The following XPO5 variants were observed in gnomAD, a reference collection of about 807,000 sequenced individuals.
XPO5 encodes the protein exportin-5.
A neutral mutation model predicts 160.6 loss-of-function variants in XPO5; 46 were observed. The observed-to-expected ratio is 0.29, with a 90% confidence interval of 0.23 to 0.37. The LOEUF is 0.37. XPO5 is among the 10% of genes least tolerant of loss of function. XPO5 has a pLI of 1.00. For missense variants in XPO5, 1,090 were observed against 1,463.9 expected (o/e 0.74, Z 4.17); for synonymous variants, 537 against 519.3 (o/e 1.03, Z -0.46).
chr6:43,533,657 C>T (rs113141682), intron 21 of XPO5: 36 of 288,094 alleles, frequency 1.2e-4, no homozygotes, highest in African/African-American at 7.8e-4. Context: ...GGCAACATAG[C>T]AAGACTCTGT....
At position 43,576,017 on chromosome 6, in the gene XPO5, G is replaced by T; in HGVS notation, c.-153C>A. On this transcript the variant is annotated 5_prime_UTR_variant, in exon 1 of 32. Coordinates refer to ENST00000265351, the MANE Select transcript of XPO5 (RefSeq NM_020750.3). The stretch of plus-strand genomic sequence containing the variant: ...GGAGCGTTAGCAGCAACTCGCGCTG[G>T]GAAGAAGCCGGCGCTGCGCACGCGC... 2 of 629,726 alleles carry T rather than the reference G, an allele frequency of 3.2e-6. No individual in the cohort carries two copies. Among genetic ancestry groups the T allele is most frequent in the Non-Finnish European group, 5.3e-6 (2 of 380,824 alleles). The allele number at this position is 629,726 out of a possible 1,614,324, so 39.0% of individuals were successfully genotyped here.
At chr6:43,525,511 A>C in intron 28 of XPO5, 1 of 497,012 alleles carries the variant, frequency 2.0e-6, no homozygotes, top group East Asian at 3.4e-5. Context: ...GTGTATTGCC[A>C]GTCAAAAAGA....
chr6:43,534,315 G>GT (rs1794180725), intron 20 of XPO5, among the ~76,000 whole-genome samples: 1 of 152,190 alleles, frequency 6.6e-6, no homozygotes. Flanking sequence ...GGTCCCAGGA[G>GT]TTTTTTGACC....
chr6:43,532,901 T>C (rs1415103274), intron 21 of XPO5, among the ~76,000 whole-genome samples: 4 of 152,186 alleles, frequency 2.6e-5, no homozygotes, highest in African/African-American at 7.2e-5. Context: ...TCCTGGCACT[T>C]TGGGAGGCCA....
intron 11 of XPO5, among the ~76,000 whole-genome samples, chr6:43,559,713 TATA>T (rs1216299350): frequency 6.6e-6 from 1 of 152,248 alleles, no homozygotes; most frequent in African/African-American, 2.4e-5. Flanking sequence ...GAAGAGCAGT[TATA>T]ATAACCAGTA....
chr6:43,551,574 G>T, intron 14 of XPO5, 121 bp from the exon 15 acceptor site: 1 of 1,186,478 alleles, frequency 8.4e-7, no homozygotes, highest in Non-Finnish European at 1.2e-6. Context: ...CTAGGCTGGA[G>T]TGCACAGTGG....
chr6:43,570,086 G>A (rs937607751), intron 5 of XPO5, among the ~76,000 whole-genome samples: 1 of 148,444 alleles, frequency 6.7e-6, no homozygotes, highest in African/African-American at 2.5e-5. Context: ...TGGGAGGCGG[G>A]CGGATCATGA....
intron 12 of XPO5, 67 bp downstream of exon 12, chr6:43,558,434 C>T: frequency 1.4e-6 from 2 of 1,401,350 alleles, no homozygotes; most frequent in Non-Finnish European, 1.9e-6. Flanking sequence ...ACACCATGCA[C>T]CATGATTCAT....
In XPO5 at chr6:43,523,383, GAA is replaced by G. The variant is rs963178454; in HGVS notation, c.*483_*484del. 1.7e-5 allele frequency: 5 copies of G among 297,430 alleles called. No individual in the cohort carries two copies. Among genetic ancestry groups the G allele is most frequent in the African/African-American group, 8.7e-5 (4 of 45,926 alleles). The allele number at this position is 297,430 out of a possible 1,614,324, so 18.4% of individuals were successfully genotyped here. On this transcript the variant is annotated 3_prime_UTR_variant, in exon 32 of 32. Coordinates refer to ENST00000265351, the MANE Select transcript of XPO5 (RefSeq NM_020750.3). ...CCAGACATGCCCCTTAGGGAGTGGG[GAA>G]AGTTTCCTGCCAGCCCAGCAGCAAA...
intron 22 of XPO5, 36 bp downstream of exon 22, chr6:43,531,443 G>A (rs1199300980): frequency 6.3e-7 from 1 of 1,578,564 alleles, no homozygotes; most frequent in Non-Finnish European, 8.7e-7. Flanking sequence ...TACATATCGA[G>A]GAAGAAAATA....
intron 2 of XPO5, 146 bp downstream of exon 2, chr6:43,573,334 T>G: frequency 1.2e-5 from 13 of 1,065,122 alleles, no homozygotes; most frequent in Non-Finnish European, 1.7e-5. Flanking sequence ...AGAGCTCCTG[T>G]GAGGTTCTGA....
intron 13 of XPO5, 125 bp downstream of exon 13, chr6:43,555,711 C>G: frequency 8.3e-7 from 1 of 1,201,294 alleles, no homozygotes; most frequent in East Asian, 2.6e-5. Context: ...CCAGGATGAG[C>G]AAAGCTATTT....
At chr6:43,528,260 T>C in intron 24 of XPO5, 55 bp from the exon 25 acceptor site, 3 of 1,520,604 alleles carry the variant, frequency 2.0e-6, no homozygotes, top group African/African-American at 1.4e-5. Context: ...TTGGAACACA[T>C]AATATCTAAA....
In XPO5 at chr6:43,527,701, T is replaced by C. The variant is rs1186214646; in HGVS notation, c.2853A>G (p.Pro951=). The change falls in exon 26 of 32, where the codon CCA becomes CCG. Residue 951 remains proline, a synonymous_variant. Coordinates refer to ENST00000265351, the MANE Select transcript of XPO5 (RefSeq NM_020750.3). ...CGEDEAADEN[P]ESQEMLEEQL... The stretch of plus-strand genomic sequence containing the variant: ...GCTCCTCCAGCATCTCTTGAGACTC[T>C]GGGTTTTCATCTGCAGCCTCATCTT... 1 of 1,613,850 alleles carries C rather than the reference T, an allele frequency of 6.2e-7. No homozygotes were observed. The highest frequency in any genetic ancestry group is 2.2e-5 in the East Asian group (1 of 44,894).
chr6:43,537,091 C>A (rs896894938), intron 20 of XPO5, among the ~76,000 whole-genome samples: 3 of 151,784 alleles, frequency 2.0e-5, no homozygotes, highest in African/African-American at 7.3e-5. Context: ...CTCAGGCTCC[C>A]GAGTAGCTGG....
intron 20 of XPO5, among the ~76,000 whole-genome samples, chr6:43,543,043 G>A (rs1031087804): frequency 2.0e-5 from 3 of 152,096 alleles, no homozygotes; most frequent in African/African-American, 7.2e-5. Context: ...AAAAACACAA[G>A]TACATTCATG....
intron 20 of XPO5, among the ~76,000 whole-genome samples, chr6:43,542,122 A>G (rs1400638164): frequency 6.6e-6 from 1 of 152,058 alleles, no homozygotes; most frequent in Non-Finnish European, 1.5e-5. Flanking sequence ...CTTACAGTTC[A>G]TCTCAATTCA....
intron 20 of XPO5, chr6:43,539,443 G>A: frequency 1.9e-6 from 3 of 1,567,286 alleles, no homozygotes; most frequent in African/African-American, 1.3e-5. Context: ...ATTCCTTAAT[G>A]GGCAGGGAGA....
intron 12 of XPO5, among the ~76,000 whole-genome samples, chr6:43,558,202 ATAAGG>A (rs960883327): frequency 1.3e-5 from 2 of 152,210 alleles, no homozygotes; most frequent in Non-Finnish European, 2.9e-5. Context: ...AGAAATAACC[ATAAGG>A]TAAGATGGTA....
Sources: allele counts gnomAD v4.1 joint callset (sites outside exome capture counted in the v4.1 genomes callset), GRCh38; gene constraint gnomAD v4.1.1; transcripts MANE v1.5; gene names NCBI Gene and HGNC (gene_info 2026-07-23, HGNC 2026-07-21).